Variants in RSRP1 observed in about 807,000 individuals in gnomAD.
RSRP1 encodes the protein arginine/serine-rich protein 1.
RSRP1 carries 37 observed loss-of-function variants against 33.0 expected under a neutral mutation model. The ratio of observed to expected loss-of-function variants is 1.12; its 90% CI spans 0.86 to 1.48. The LOEUF (loss-of-function observed/expected upper bound fraction) is 1.48, where lower values mean the gene tolerates loss of function less well. Among genes scored for constraint, RSRP1 ranks in the 40% most tolerant of loss-of-function variants. The probability of loss-of-function intolerance (pLI) is 0.00; values close to 1 mark genes in which losing one functional copy is unlikely to be tolerated. For synonymous variants in RSRP1, 167 were observed against 158.7 expected (o/e 1.05, Z -0.40); for missense variants, 402 against 385.3 (o/e 1.04, Z -0.36).
intron 1 of RSRP1, among the ~76,000 whole-genome samples, chr1:25,254,121 T>C (rs1317520329): frequency 6.6e-6 from 1 of 152,190 alleles, no homozygotes; most frequent in Admixed American, 6.5e-5. Context: ...TTTTTTAGGA[T>C]GTCCCAAGGA....
intron 1 of RSRP1, among the ~76,000 whole-genome samples, chr1:25,258,922 G>A (rs1199536369): frequency 1.3e-5 from 2 of 152,118 alleles, no homozygotes; most frequent in Non-Finnish European, 2.9e-5. Flanking sequence ...AGAAAATGGA[G>A]TTGAATCCTT....
At chr1:25,286,349 C>T (rs1342831653) in intron 1 of RSRP1, among the ~76,000 whole-genome samples, 3 of 134,810 alleles carry the variant, frequency 2.2e-5, no homozygotes, top group Non-Finnish European at 3.5e-5. Flanking sequence ...ATCAGCTAGG[C>T]GTGGTGGTGT....
intron 1 of RSRP1, chr1:25,337,228 AGG>A (rs1369353478): frequency 6.6e-6 from 1 of 151,414 alleles, no homozygotes; most frequent in Non-Finnish European, 1.5e-5. Flanking sequence ...GGCACCAAGG[AGG>A]GCTACCGAGC....
In RSRP1 at chr1:25,308,232, G is replaced by A. The variant is rs1311987452; in HGVS notation, c.-67+29746C>T. 2.6e-5 allele frequency among the ~76,000 whole-genome samples: 3 copies of A among 114,042 alleles called. 1 individual carries two copies. The highest frequency in any genetic ancestry group is 4.1e-5 in the Non-Finnish European group (2 of 48,764). The allele number at this position is 114,042 out of a possible 152,430, so 74.8% of individuals were successfully genotyped here. ...CACTGTGTGGCTAAATTCTGCTTGT[G>A]GGCTGCCTAGATTCCCAATTCTGTG... On this transcript the variant is annotated intron_variant, in intron 1 of 1. Transcript: ENST00000561867.
chr1:25,337,140 G>T lies in RSRP1; in HGVS notation c.-67+838C>A, dbSNP rs9662191. 1,193 of 153,086 alleles carry T rather than the reference G, an allele frequency of 7.8e-3. 38 individuals are homozygous for T. The highest frequency in any genetic ancestry group is 0.028 in the African/African-American group (1,144 of 41,264). 9.5% of individuals were successfully genotyped at this position (153,086 alleles called of 1,614,324 possible). On this transcript the variant is annotated intron_variant, in intron 1 of 1. Transcript: ENST00000561867. Reference sequence around the variant, plus strand: ...TCGGGTGCACCATCGGGTCAAAGCCGCAGCAACGCCGTCTCTGTGTGATCG... The same window carrying T: ...TCGGGTGCACCATCGGGTCAAAGCCTCAGCAACGCCGTCTCTGTGTGATCG...
chr1:25,243,713 G>A, intron 3 of RSRP1, 80 bp from the exon 4 acceptor site: 1 of 1,551,270 alleles, frequency 6.4e-7, no homozygotes, highest in Non-Finnish European at 8.7e-7. Context: ...TAGCCTAATT[G>A]TAAACAAAAT....
intron 1 of RSRP1, among the ~76,000 whole-genome samples, chr1:25,305,492 G>A (rs796310168): frequency 0.02 from 2,004 of 102,342 alleles, 317 homozygotes; most frequent in African/African-American, 0.057. Context: ...CACCTCCTGG[G>A]TTCAAGTGAT....
At chr1:25,263,055 G>A (rs1313793485) in intron 1 of RSRP1, among the ~76,000 whole-genome samples, 1 of 152,204 alleles carries the variant, frequency 6.6e-6, no homozygotes, top group Non-Finnish European at 1.5e-5. Context: ...AGTGTGTGAA[G>A]GAAGGGCTCT....
Position 25,301,216 on chromosome 1 carries a change from C to T in RSRP1, c.-67+36762G>A, listed in dbSNP as rs1382338823. On this transcript the variant is annotated intron_variant, in intron 1 of 1. Transcript: ENST00000561867. ...CCCTGGGTGTCTGAAGCCCTTCCAT[C>T]ATGATTCATTTCTTTGAGTAGTGTT... 8 of 983,468 alleles carry T rather than the reference C, an allele frequency of 8.1e-6. 1 individual carries two copies. Among genetic ancestry groups the T allele is most frequent in the Middle Eastern group, 3.1e-4 (1 of 3,274 alleles). The allele number at this position is 983,468 out of a possible 1,614,324, so 60.9% of individuals were successfully genotyped here. A position where few individuals can be genotyped will look rare whatever the true frequency, so the allele number is the denominator to read the frequency against.
chr1:25,284,647 A>G (rs753714023), intron 1 of RSRP1: 10 of 1,388,670 alleles, frequency 7.2e-6, no homozygotes, highest in Non-Finnish European at 1.0e-5. Context: ...ACACAGCTGG[A>G]GCAGTGTGGC....
chr1:25,316,624 A>G (rs1219991330), intron 1 of RSRP1, among the ~76,000 whole-genome samples: 1 of 118,074 alleles, frequency 8.5e-6, no homozygotes, highest in African/African-American at 2.8e-5. Context: ...AACAGAAAAA[A>G]AAAAAAAAAA....
intron 1 of RSRP1, among the ~76,000 whole-genome samples, chr1:25,313,544 G>T (rs1644276195): frequency 7.6e-6 from 1 of 131,976 alleles, no homozygotes; most frequent in Non-Finnish European, 1.8e-5. Flanking sequence ...ATTTATAAAG[G>T]TGACTGAGTG....
intron 1 of RSRP1, among the ~76,000 whole-genome samples, chr1:25,280,647 C>T (rs1413116971): frequency 3.5e-5 from 4 of 113,474 alleles, no homozygotes; most frequent in African/African-American, 1.2e-4. Context: ...CTCCCTCTGT[C>T]ACCCAGGCTG....
Position 25,257,034 on chromosome 1 carries a change from G to A in RSRP1, c.-66-10005C>T, listed in dbSNP as rs1308512245. On this transcript the variant is annotated intron_variant, in intron 1 of 1. Transcript: ENST00000561867. ...TCACTGGGAGCCAAAGCCACATGCT[G>A]CTTTAAGTAGTATTACTTTTATTGC... 2.0e-5 allele frequency among the ~76,000 whole-genome samples: 3 copies of A among 152,276 alleles called. No individual in the cohort carries two copies. In the South Asian group the frequency reaches 6.2e-4, roughly 32 times the overall value.
chr1:25,313,902 G>A lies in RSRP1; in HGVS notation c.-67+24076C>T, dbSNP rs974367036. Reference sequence around the variant, plus strand: ...CCTGTCATAAATGAATGCCAGATAGGCAAATAGAGAATCTAAGAAAAGATA... The same window carrying A: ...CCTGTCATAAATGAATGCCAGATAGACAAATAGAGAATCTAAGAAAAGATA... On this transcript the variant is annotated intron_variant, in intron 1 of 1. Transcript: ENST00000561867. Among the ~76,000 whole-genome samples the A allele has an allele frequency of 9.0e-5, 12 of 133,230 alleles. 2 individuals are homozygous for A. Among genetic ancestry groups the A allele is most frequent in the Admixed American group, 7.3e-4 (10 of 13,668 alleles). The allele number at this position is 133,230 out of a possible 152,430, so 87.4% of individuals were successfully genotyped here.
At chr1:25,307,451 T>C (rs1248224623) in intron 1 of RSRP1, among the ~76,000 whole-genome samples, 2 of 132,500 alleles carry the variant, frequency 1.5e-5, no homozygotes, top group Non-Finnish European at 3.6e-5. Context: ...CAGGGATAGA[T>C]TTTTAGAGAT....
upstream of RSRP1, among the ~76,000 whole-genome samples, chr1:25,251,620 C>T (rs1419751690): frequency 9.2e-5 from 14 of 152,158 alleles, no homozygotes; most frequent in Non-Finnish European, 1.8e-4. Flanking sequence ...CCGCCCACCT[C>T]AACCTCCCAA....
upstream of RSRP1, chr1:25,338,101 G>A (rs1645115504): frequency 6.6e-6 from 1 of 152,214 alleles, no homozygotes; most frequent in Non-Finnish European, 1.5e-5. Flanking sequence ...GCCAACGGAC[G>A]CCTTCCTTTA....
intron 2 of RSRP1, among the ~76,000 whole-genome samples, chr1:25,246,218 A>G (rs534607991): frequency 1.1e-4 from 17 of 152,228 alleles, no homozygotes; most frequent in African/African-American, 3.9e-4. Context: ...AGCCAATAGG[A>G]AAAAAAGTTC....
Sources: allele counts gnomAD v4.1 joint callset (sites outside exome capture counted in the v4.1 genomes callset), GRCh38; gene constraint gnomAD v4.1.1; transcripts MANE v1.5; gene names NCBI Gene and HGNC (gene_info 2026-07-23, HGNC 2026-07-21).